FGF12: variants seen among roughly 807,000 people sequenced by gnomAD.
FGF12 encodes the protein fibroblast growth factor 12B.
In FGF12, 14 loss-of-function variants were observed where a neutral mutation model predicts 23.6. The ratio of observed to expected loss-of-function variants is 0.59; its 90% confidence interval spans 0.39 to 0.93. FGF12 has a LOEUF of 0.93. FGF12 is among the 40% of genes least tolerant of loss of function. The pLI is 0.00. For synonymous variants in FGF12, 62 were observed against 77.3 expected (o/e 0.80, Z 1.04); for missense variants, 175 against 217.8 (o/e 0.80, Z 1.24).
At chr3:192,371,961 C>G (rs1038341559) in intron 2 of FGF12, among the ~76,000 whole-genome samples, 3 of 152,192 alleles carry the variant, frequency 2.0e-5, no homozygotes, top group Non-Finnish European at 2.9e-5. Context: ...TCTATAAAGC[C>G]AGGGGCCAGG....
intron 4 of FGF12, among the ~76,000 whole-genome samples, chr3:192,243,038 G>A (rs1719702156): frequency 6.6e-6 from 1 of 151,850 alleles, no homozygotes; most frequent in African/African-American, 2.4e-5. Context: ...ATAATATTCA[G>A]GAATAATACT....
intron 2 of FGF12, among the ~76,000 whole-genome samples, chr3:192,574,731 T>C (rs1026238709): frequency 5.0e-4 from 76 of 152,370 alleles, no homozygotes; most frequent in African/African-American, 1.7e-3. Context: ...TACTACTGTG[T>C]ACTAGGTACA....
chr3:192,197,560 T>C (rs1223498861), intron 4 of FGF12, among the ~76,000 whole-genome samples: 1 of 152,190 alleles, frequency 6.6e-6, no homozygotes, highest in East Asian at 1.9e-4. Context: ...TGTGTTGCTT[T>C]CACATTTCCA....
chr3:192,589,371 A>G (rs971865088), intron 2 of FGF12, among the ~76,000 whole-genome samples: 1 of 151,812 alleles, frequency 6.6e-6, no homozygotes, highest in Non-Finnish European at 1.5e-5. Context: ...TTAAAAAAAG[A>G]AAACAACTGC....
At chr3:192,179,035 G>C (rs1716018096) in intron 4 of FGF12, among the ~76,000 whole-genome samples, 1 of 152,082 alleles carries the variant, frequency 6.6e-6, no homozygotes, top group South Asian at 2.1e-4. Context: ...GAAAATCCTT[G>C]CTATAATAGC....
At chr3:192,506,897 T>G (rs1350821024) in intron 2 of FGF12, among the ~76,000 whole-genome samples, 1 of 151,042 alleles carries the variant, frequency 6.6e-6, no homozygotes, top group Non-Finnish European at 1.5e-5. Context: ...ACTCAGTTTT[T>G]TTTTTTTTTT....
intron 2 of FGF12, among the ~76,000 whole-genome samples, chr3:192,380,072 T>C (rs1719752142): frequency 6.6e-6 from 1 of 152,180 alleles, no homozygotes; most frequent in Non-Finnish European, 1.5e-5. Context: ...AATAACAATA[T>C]TTAAATTAAA....
At chr3:192,437,420 C>T (rs1034335734) in intron 2 of FGF12, among the ~76,000 whole-genome samples, 7 of 152,106 alleles carry the variant, frequency 4.6e-5, no homozygotes, top group Non-Finnish European at 8.8e-5. Flanking sequence ...TGGCCAGGCG[C>T]CGTGGCTCAC....
At chr3:192,398,811 G>A (rs73889315) in intron 2 of FGF12, among the ~76,000 whole-genome samples, 22,644 of 152,176 alleles carry the variant, frequency 0.15, 2,240 homozygotes, top group East Asian at 0.44. Context: ...CCAGTCCTGT[G>A]AAACTGAGAA....
At position 192,695,323 on chromosome 3, in the gene FGF12, C is replaced by A. The variant is rs1283662098; in HGVS notation, c.13+31858G>T. Among the ~76,000 whole-genome samples, 3 of 152,152 alleles carry A rather than the reference C, an allele frequency of 2.0e-5. 1 individual carries two copies. The highest frequency in any genetic ancestry group is 4.4e-5 in the Non-Finnish European group (3 of 68,018). ...GCAGACTCTGAATGTCCCAAACTTA[C>A]CTTCTGTCCATAAATAATTCAAATG... On this transcript the variant is annotated intron_variant, in intron 2 of 5. Transcript: ENST00000445105.
intron 2 of FGF12, among the ~76,000 whole-genome samples, chr3:192,532,972 A>G (rs1434069266): frequency 3.9e-5 from 6 of 152,160 alleles, no homozygotes; most frequent in South Asian, 4.1e-4. Context: ...CCTACACACC[A>G]TCACAAGAAA....
intron 2 of FGF12, among the ~76,000 whole-genome samples, chr3:192,388,958 G>GA (rs1169319939): frequency 6.6e-6 from 1 of 151,646 alleles, no homozygotes; most frequent in Non-Finnish European, 1.5e-5. Context: ...CCAAATTACT[G>GA]AAAAAAAGAA....
intron 2 of FGF12, among the ~76,000 whole-genome samples, chr3:192,498,775 A>T (rs572453006): frequency 2.8e-4 from 43 of 152,368 alleles, no homozygotes; most frequent in Non-Finnish European, 5.0e-4. Context: ...GAGTCTAGTT[A>T]CTGGTAACTG....
At chr3:192,492,876 T>C (rs1384034080) in intron 2 of FGF12, among the ~76,000 whole-genome samples, 24 of 151,674 alleles carry the variant, frequency 1.6e-4, no homozygotes, top group Admixed American at 1.5e-3. Context: ...ATACACAGGA[T>C]GGTAGAGATA....
At chr3:192,312,911 T>C (rs933935161) in intron 4 of FGF12, among the ~76,000 whole-genome samples, 1 of 152,194 alleles carries the variant, frequency 6.6e-6, no homozygotes, top group East Asian at 1.9e-4. Context: ...TATAACTTGG[T>C]ACATGATAAG....
At chr3:192,610,518 A>G (rs1452046574) in intron 2 of FGF12, among the ~76,000 whole-genome samples, 1 of 151,964 alleles carries the variant, frequency 6.6e-6, no homozygotes, top group Non-Finnish European at 1.5e-5. Flanking sequence ...AACCACAATT[A>G]TCTCATCCGG....
At chr3:192,554,675 G>A (rs1711683485) in intron 2 of FGF12, among the ~76,000 whole-genome samples, 1 of 151,628 alleles carries the variant, frequency 6.6e-6, no homozygotes, top group South Asian at 2.1e-4. Context: ...AGAGAAACAT[G>A]GTTCAATAAA....
At chr3:192,270,069 A>C (rs1336661811) in intron 4 of FGF12, among the ~76,000 whole-genome samples, 1 of 152,202 alleles carries the variant, frequency 6.6e-6, no homozygotes, top group Non-Finnish European at 1.5e-5. Flanking sequence ...TTTGTGTTCC[A>C]CATCCTCCTG....
At chr3:192,261,458 G>A (rs1321908079) in intron 4 of FGF12, among the ~76,000 whole-genome samples, 2 of 152,166 alleles carry the variant, frequency 1.3e-5, no homozygotes, top group African/African-American at 4.8e-5. Flanking sequence ...CCTCACCTGG[G>A]AGAGGATTTA....
Sources: gnomAD v4.1 joint callset for allele counts (sites outside exome capture counted in the v4.1 genomes callset) on GRCh38, gnomAD v4.1.1 for gene constraint, MANE v1.5 for transcripts, NCBI Gene and HGNC (gene_info 2026-07-23, HGNC 2026-07-21) for gene names.